Variants in ZNF704 observed in about 807,000 individuals in gnomAD.
ZNF704 encodes glucocorticoid induced gene 1.
In ZNF704, 10 loss-of-function variants were observed where a neutral mutation model predicts 44.7. The ratio of observed to expected loss-of-function variants is 0.22; its 90% confidence interval spans 0.14 to 0.38. The LOEUF is 0.38. ZNF704 is among the 10% of genes least tolerant of loss of function. ZNF704 has a pLI of 1.00. For synonymous variants in ZNF704, 211 were observed against 207.6 expected, an observed-to-expected ratio of 1.02 and a Z score of -0.14; for missense variants, 390 against 545.5, an observed-to-expected ratio of 0.71 and a Z score of 2.84.
upstream of ZNF704, among the ~76,000 whole-genome samples, chr8:80,879,626 G>A (rs371737283): frequency 1.3e-5 from 2 of 151,988 alleles, no homozygotes; most frequent in African/African-American, 2.4e-5. Context: ...TCCCTGCTTC[G>A]TTGGGAATAC....
At chr8:80,731,913 A>G (rs1017432985) in intron 2 of ZNF704, among the ~76,000 whole-genome samples, 1 of 152,258 alleles carries the variant, frequency 6.6e-6, no homozygotes, top group African/African-American at 2.4e-5. Context: ...ATGAAACACA[A>G]ACAGTGCTAA....
intron 2 of ZNF704, among the ~76,000 whole-genome samples, chr8:80,739,958 A>G (rs113634966): frequency 0.048 from 7,323 of 152,246 alleles, 238 homozygotes; most frequent in Middle Eastern, 0.11. Flanking sequence ...GCCAAGTGCC[A>G]GCCCATGCCA....
chr8:80,631,499 A>C lies in ZNF704; in HGVS notation c.*9867T>G, dbSNP rs1436358552. 2 of 152,240 alleles carry C rather than the reference A, an allele frequency of 1.3e-5. No individual in the cohort carries two copies. The highest frequency in any genetic ancestry group is 4.8e-5 in the African/African-American group (2 of 41,460). 9.4% of individuals were successfully genotyped at this position (152,240 alleles called of 1,614,324 possible). On this transcript the variant is annotated 3_prime_UTR_variant, in exon 9 of 9. Transcript: ENST00000327835. ...TTCATGCTCTGTAATTGTGGGCAGA[A>C]GTCAGAGCCTGGAGTAATTAAACAT...
chr8:80,771,473 C>T (rs190741549), intron 2 of ZNF704, among the ~76,000 whole-genome samples: 13 of 152,128 alleles, frequency 8.5e-5, no homozygotes, highest in African/African-American at 3.1e-4. Context: ...TTAAATGATA[C>T]TGTATTTTAA....
At chr8:80,726,473 G>A (rs1224678317) in intron 2 of ZNF704, among the ~76,000 whole-genome samples, 1 of 152,106 alleles carries the variant, frequency 6.6e-6, no homozygotes, top group East Asian at 1.9e-4. Flanking sequence ...AATGTTGTGA[G>A]GTGTCAGAAT....
chr8:80,772,458 G>A (rs1807336845), intron 2 of ZNF704, among the ~76,000 whole-genome samples: 1 of 152,130 alleles, frequency 6.6e-6, no homozygotes, highest in African/African-American at 2.4e-5. Flanking sequence ...TTACAATCAT[G>A]GCGAAAGGGG....
At chr8:80,877,746 C>T (rs983325504), upstream of ZNF704, among the ~76,000 whole-genome samples, 2 of 152,056 alleles carry the variant, frequency 1.3e-5, no homozygotes, top group African/African-American at 4.8e-5. Flanking sequence ...TTGGTGCTGG[C>T]GTGCAGCAGC....
At chr8:80,766,841 T>A (rs753366642) in intron 2 of ZNF704, among the ~76,000 whole-genome samples, 1 of 151,904 alleles carries the variant, frequency 6.6e-6, no homozygotes, top group African/African-American at 2.4e-5. Flanking sequence ...GCCTCCGGAG[T>A]AGCTGGGATT....
At chr8:80,878,286 A>AAGGAAGGC (rs1181780492), upstream of ZNF704, among the ~76,000 whole-genome samples, 6 of 151,730 alleles carry the variant, frequency 4.0e-5, no homozygotes, top group African/African-American at 1.5e-4. Flanking sequence ...GGAAGGAAGG[A>AAGGAAGGC]AGGAAGGAAG....
chr8:80,694,774 C>A (rs1818699061), intron 2 of ZNF704, among the ~76,000 whole-genome samples: 1 of 152,128 alleles, frequency 6.6e-6, no homozygotes, highest in African/African-American at 2.4e-5. Context: ...TTAAACAAAG[C>A]CTATTCTTTC....
chr8:80,764,279 T>C (rs1045304886), intron 2 of ZNF704, among the ~76,000 whole-genome samples: 4 of 152,158 alleles, frequency 2.6e-5, no homozygotes, highest in Non-Finnish European at 1.5e-5. Flanking sequence ...AAAGGAAAGA[T>C]CCACAGTTCC....
chr8:80,672,461 T>C (rs984295388), intron 4 of ZNF704, among the ~76,000 whole-genome samples: 3 of 152,150 alleles, frequency 2.0e-5, no homozygotes, highest in African/African-American at 7.2e-5. Context: ...AAAAGACCCA[T>C]GTACTTGTAT....
intron 2 of ZNF704, among the ~76,000 whole-genome samples, chr8:80,713,771 G>A (rs956244009): frequency 2.0e-5 from 3 of 152,150 alleles, no homozygotes; most frequent in African/African-American, 7.2e-5. Flanking sequence ...TTAGAAGCTG[G>A]CTGTGTCTAA....
At chr8:80,872,423 G>A (rs974651418) in intron 1 of ZNF704, among the ~76,000 whole-genome samples, 1 of 152,144 alleles carries the variant, frequency 6.6e-6, no homozygotes, top group Non-Finnish European at 1.5e-5. Context: ...TTCAAGCTTT[G>A]AGGAGCTTTT....
intron 1 of ZNF704, among the ~76,000 whole-genome samples, chr8:80,866,723 G>GC (rs1809160892): frequency 6.7e-6 from 1 of 149,992 alleles, no homozygotes; most frequent in South Asian, 2.1e-4. Context: ...TGCGGGGTTG[G>GC]GGGGGGGATA....
At chr8:80,846,901 A>G (rs1038694295) in intron 1 of ZNF704, among the ~76,000 whole-genome samples, 1 of 152,198 alleles carries the variant, frequency 6.6e-6, no homozygotes, top group South Asian at 2.1e-4. Flanking sequence ...GGTTGGGCAC[A>G]GTGGCTCACG....
intron 2 of ZNF704, among the ~76,000 whole-genome samples, chr8:80,791,512 A>G (rs1807708079): frequency 2.6e-5 from 4 of 152,210 alleles, no homozygotes; most frequent in Admixed American, 2.6e-4. Flanking sequence ...TAGTGGGGAG[A>G]TAACTGCTGA....
At chr8:80,706,511 G>C (rs1481230831) in intron 2 of ZNF704, among the ~76,000 whole-genome samples, 1 of 152,208 alleles carries the variant, frequency 6.6e-6, no homozygotes, top group African/African-American at 2.4e-5. Context: ...TTTTCAAAGA[G>C]AGAAGACTCA....
Position 80,639,146 on chromosome 8 carries a change from G to T in ZNF704, c.*2220C>A, listed in dbSNP as rs1817704587. On this transcript the variant is annotated 3_prime_UTR_variant, in exon 9 of 9. Coordinates refer to ENST00000327835, the MANE Select transcript of ZNF704 (RefSeq NM_001033723.3). The stretch of plus-strand genomic sequence containing the variant: ...TCATGACTTGAATCTTTTTCTATTA[G>T]TAACAGTCCAACGATCAAGGGCCAG... 1.3e-5 allele frequency: 2 copies of T among 152,238 alleles called. No homozygotes were observed. Among genetic ancestry groups the T allele is most frequent in the African/African-American group, 4.8e-5 (2 of 41,444 alleles). The allele number at this position is 152,238 out of a possible 1,614,324, so 9.4% of individuals were successfully genotyped here. A position where few individuals can be genotyped will look rare whatever the true frequency, so the allele number is the denominator to read the frequency against.
Sources: allele counts gnomAD v4.1 joint callset (sites outside exome capture counted in the v4.1 genomes callset), GRCh38; gene constraint gnomAD v4.1.1; transcripts MANE v1.5; gene names NCBI Gene and HGNC (gene_info 2026-07-23, HGNC 2026-07-21).